The following PCDH9 variants were observed in gnomAD, a reference collection of about 807,000 sequenced individuals.
PCDH9 encodes protocadherin 9, also known as protocadherin-9.
PCDH9 carries 24 observed loss-of-function variants against 70.6 expected under a neutral mutation model. That is an observed-to-expected ratio of 0.34 (90% CI 0.25 to 0.48). The LOEUF (loss-of-function observed/expected upper bound fraction) is 0.48, where lower values mean the gene tolerates loss of function less well. Among genes scored for constraint, PCDH9 ranks in the 20% least tolerant of loss-of-function variants. The pLI is 0.99. For missense variants in PCDH9, 1,281 were observed against 1,503.6 expected, an observed-to-expected ratio of 0.85 and a Z score of 2.45; for synonymous variants, 562 against 558.5, an observed-to-expected ratio of 1.01 and a Z score of -0.09.
At chr13:66,956,406 G>T (rs998967882) in intron 2 of PCDH9, among the ~76,000 whole-genome samples, 1 of 152,138 alleles carries the variant, frequency 6.6e-6, no homozygotes, top group African/African-American at 2.4e-5. Context: ...TTTTAAAAAG[G>T]TGAGGTTATG....
At chr13:66,899,622 T>C (rs896170530) in intron 3 of PCDH9, among the ~76,000 whole-genome samples, 3 of 151,992 alleles carry the variant, frequency 2.0e-5, no homozygotes, top group Non-Finnish European at 4.4e-5. Flanking sequence ...ATACAGACAC[T>C]GAAAGCTCTG....
chr13:67,200,001 C>A (rs1593608490), intron 2 of PCDH9, among the ~76,000 whole-genome samples: 1 of 151,990 alleles, frequency 6.6e-6, no homozygotes, highest in Non-Finnish European at 1.5e-5. Flanking sequence ...GCAGAATGGG[C>A]TAAATGCCTC....
Position 66,305,046 on chromosome 13 carries a change from G to T in PCDH9, c.3341-18C>A, listed in dbSNP as rs781056367. On this transcript the variant is annotated intron_variant, in intron 4 of 4. Transcript: ENST00000377865. Reference sequence around the variant, plus strand: ...AGGCCCATCTGCAGAAGACAAGAGAGAGAAAATAAGAAAAGGAAGTGGTTA... The same window carrying T: ...AGGCCCATCTGCAGAAGACAAGAGATAGAAAATAAGAAAAGGAAGTGGTTA... 1 of 1,556,794 alleles carries T rather than the reference G, an allele frequency of 6.4e-7. No individual in the cohort carries two copies. The highest frequency in any genetic ancestry group is 1.2e-5 in the South Asian group (1 of 83,192).
chr13:66,471,436 A>T (rs937593743), intron 4 of PCDH9, among the ~76,000 whole-genome samples: 2 of 152,348 alleles, frequency 1.3e-5, no homozygotes, highest in African/African-American at 2.4e-5. Context: ...AAAAAATAAA[A>T]GTTGAGAATA....
At chr13:66,745,620 T>A (rs1593996133) in intron 3 of PCDH9, among the ~76,000 whole-genome samples, 1 of 152,192 alleles carries the variant, frequency 6.6e-6, no homozygotes, top group Admixed American at 6.5e-5. Context: ...GCCACTCACA[T>A]GGCTGTGTTT....
intron 4 of PCDH9, among the ~76,000 whole-genome samples, chr13:66,426,058 T>C (rs1957663257): frequency 1.3e-5 from 2 of 151,720 alleles, no homozygotes; most frequent in African/African-American, 4.8e-5. Flanking sequence ...CGATAGGTAC[T>C]GATAAGACAG....
At chr13:67,158,798 C>T (rs1594591144) in intron 2 of PCDH9, among the ~76,000 whole-genome samples, 1 of 152,178 alleles carries the variant, frequency 6.6e-6, no homozygotes, top group Admixed American at 6.5e-5. Context: ...GAGATATAGT[C>T]GGTGGGACTT....
At chr13:66,622,988 G>C (rs1454283447) in intron 4 of PCDH9, among the ~76,000 whole-genome samples, 1 of 152,214 alleles carries the variant, frequency 6.6e-6, no homozygotes, top group East Asian at 1.9e-4. Context: ...CCCCTTAAGA[G>C]CTGTAACACT....
chr13:67,076,789 G>T (rs1192305297), intron 2 of PCDH9, among the ~76,000 whole-genome samples: 1 of 152,066 alleles, frequency 6.6e-6, no homozygotes, highest in Non-Finnish European at 1.5e-5. Context: ...ATTCCAAACA[G>T]ATCACCGGCC....
chr13:66,981,905 C>A (rs1265237484), intron 2 of PCDH9, among the ~76,000 whole-genome samples: 3 of 152,034 alleles, frequency 2.0e-5, no homozygotes, highest in Non-Finnish European at 4.4e-5. Context: ...ACTTATTTAC[C>A]AGTAACACAA....
chr13:67,135,825 T>C (rs2087219976), intron 2 of PCDH9, among the ~76,000 whole-genome samples: 1 of 152,124 alleles, frequency 6.6e-6, no homozygotes, highest in Non-Finnish European at 1.5e-5. Context: ...TTCTCTCATA[T>C]AATGCCTTCT....
chr13:66,730,562 A>G (rs1267718962), intron 3 of PCDH9, among the ~76,000 whole-genome samples: 1 of 152,138 alleles, frequency 6.6e-6, no homozygotes, highest in Non-Finnish European at 1.5e-5. Flanking sequence ...TGTATACTAT[A>G]CAATCACTAA....
At chr13:66,419,272 CT>C (rs2138343834) in intron 4 of PCDH9, among the ~76,000 whole-genome samples, 1 of 152,188 alleles carries the variant, frequency 6.6e-6, no homozygotes, top group South Asian at 2.1e-4. Flanking sequence ...GCCAATATCC[CT>C]GATGAACATC....
intron 4 of PCDH9, among the ~76,000 whole-genome samples, chr13:66,324,174 G>A (rs1955801806): frequency 6.6e-6 from 1 of 152,020 alleles, no homozygotes; most frequent in African/African-American, 2.4e-5. Context: ...AACTGTGAAA[G>A]ACCATGGGAA....
At chr13:66,784,492 C>A (rs1432559471) in intron 3 of PCDH9, among the ~76,000 whole-genome samples, 1 of 152,098 alleles carries the variant, frequency 6.6e-6, no homozygotes, top group African/African-American at 2.4e-5. Context: ...CCTGGACCAC[C>A]CATCTTCAGA....
chr13:67,094,851 G>T (rs879588183), intron 2 of PCDH9, among the ~76,000 whole-genome samples: 1 of 151,958 alleles, frequency 6.6e-6, no homozygotes, highest in East Asian at 1.9e-4. Flanking sequence ...AATGAAAAGG[G>T]GTTTGTTCCT....
At chr13:66,453,247 C>T (rs1958248890) in intron 4 of PCDH9, among the ~76,000 whole-genome samples, 1 of 152,090 alleles carries the variant, frequency 6.6e-6, no homozygotes, top group African/African-American at 2.4e-5. Context: ...CTCAGAATTT[C>T]CTTTTCTTTG....
intron 2 of PCDH9, among the ~76,000 whole-genome samples, chr13:66,931,744 C>T (rs960818470): frequency 6.6e-6 from 1 of 152,026 alleles, no homozygotes; most frequent in African/African-American, 2.4e-5. Context: ...CATCAGCCAT[C>T]GATTCTCTTA....
chr13:66,467,883 C>T (rs902566936), intron 4 of PCDH9, among the ~76,000 whole-genome samples: 12 of 151,972 alleles, frequency 7.9e-5, no homozygotes, highest in Non-Finnish European at 1.6e-4. Context: ...CAGTGAGGTT[C>T]CTTGCTCATT....
Sources: allele counts gnomAD v4.1 joint callset (sites outside exome capture counted in the v4.1 genomes callset), GRCh38; gene constraint gnomAD v4.1.1; transcripts MANE v1.5; gene names NCBI Gene and HGNC (gene_info 2026-07-23, HGNC 2026-07-21).